EEF1AKMT4: variants seen among roughly 807,000 people sequenced by gnomAD.
EEF1AKMT4 encodes the protein eukaryotic translation elongation factor 1 alpha lysine specific methyltransferase 4.
In EEF1AKMT4, 17 loss-of-function variants were observed where a neutral mutation model predicts 23.0. The ratio of observed to expected loss-of-function variants is 0.74; its 90% CI spans 0.51 to 1.11. The LOEUF (loss-of-function observed/expected upper bound fraction) is 1.11, where lower values mean the gene tolerates loss of function less well. EEF1AKMT4 is among the 50% of genes least tolerant of loss of function. EEF1AKMT4 has a pLI of 0.00. For missense variants in EEF1AKMT4, 318 were observed against 333.4 expected, an observed-to-expected ratio of 0.95 and a Z score of 0.36; for synonymous variants, 140 against 141.4, an observed-to-expected ratio of 0.99 and a Z score of 0.07.
At chr3:184,256,272 C>CAAAAAAAA (rs59087969) in intron 1 of EEF1AKMT4, among the ~76,000 whole-genome samples, 29 of 54,192 alleles carry the variant, frequency 5.4e-4, no homozygotes, top group African/African-American at 8.6e-4. Context: ...AACTCCATCT[C>CAAAAAAAA]AAAAAAAAAA....
rs143303406 is a variant in EEF1AKMT4 at position 184,257,750 on chromosome 3, G to A, written c.474G>A (p.Leu158=). ...SEGVHTVDQV[L]SEVSRVLVPG... is the part of the protein sequence containing the mutation. ...GTGTCCACACTGTGGACCAGGTGTT[G>A]AGTGAGGTGAGGGAGCAACAAGAGA... The change falls in exon 2 of 3, where the codon TTG becomes TTA. Residue 158 remains leucine (L), a synonymous_variant. Transcript: ENST00000324557. 3.5e-4 allele frequency: 557 copies of A among 1,610,518 alleles called. 1 individual carries two copies. Among genetic ancestry groups the A allele is most frequent in the Non-Finnish European group, 4.5e-4 (530 of 1,177,722 alleles).
Position 184,249,869 on chromosome 3 carries a change from G to T in EEF1AKMT4, c.175G>T (p.Glu59Ter). The change falls in exon 1 of 3, where the codon GAG (glutamate) becomes TAG (stop). Residue 59 changes from glutamate to a stop codon, truncating the protein, a stop_gained. Transcript: ENST00000324557. LOFTEE classifies it high-confidence loss of function. ...CCTCCTAGAGCCGGAGCTGCGGCCC[G>T]AGGACCGTATCCTTGTGCTAGGTGG... ...RALLEPELRP[E>*]DRILVLGCGN... 2 of 1,612,420 alleles carry T rather than the reference G, an allele frequency of 1.2e-6. No individual in the cohort carries two copies. The highest frequency in any genetic ancestry group is 8.5e-7 in the Non-Finnish European group (1 of 1,179,442).
At chr3:184,256,030 T>C (rs1325746400) in intron 1 of EEF1AKMT4, among the ~76,000 whole-genome samples, 1 of 152,198 alleles carries the variant, frequency 6.6e-6, no homozygotes, top group Non-Finnish European at 1.5e-5. Flanking sequence ...ATGCCTATAA[T>C]TCCAGCACTT....
rs1553831980 is a variant in EEF1AKMT4, at chr3:184,254,680, C to CCAAAA, written c.197-2793_197-2792insCAAAA. Among the ~76,000 whole-genome samples, 3 of 124,210 alleles carry CCAAAA rather than the reference C, an allele frequency of 2.4e-5. No individual in the cohort carries two copies. The East Asian group carries it at 6.9e-4, about 29-fold the overall frequency. The allele number at this position is 124,210 out of a possible 152,430, so 81.5% of individuals were successfully genotyped here. A position where few individuals can be genotyped will look rare whatever the true frequency, so the allele number is the denominator to read the frequency against. ...ATGAGCGGAGATCAAGACTCCGTCT[C>CCAAAA]AAAAAAAAAAAAACTTAATTTGGAA... On this transcript the variant is annotated intron_variant, in intron 1 of 2. Coordinates refer to ENST00000324557, the MANE Select transcript of EEF1AKMT4 (RefSeq NM_032331.4).
intron 1 of EEF1AKMT4, 59 bp from the exon 2 acceptor site, chr3:184,257,414 G>A: frequency 6.6e-7 from 1 of 1,520,502 alleles, no homozygotes; most frequent in Non-Finnish European, 8.9e-7. Flanking sequence ...GGATATTCAG[G>A]GGGAGGTGAG....
Position 184,258,598 on chromosome 3 carries a change from C to CT in EEF1AKMT4, c.*25dup, listed in dbSNP as rs752452363. 13 of 1,540,022 alleles carry CT rather than the reference C, an allele frequency of 8.4e-6. No individual in the cohort carries two copies. The Admixed American group carries it at 1.8e-4, about 21-fold the overall frequency. On this transcript the variant is annotated 3_prime_UTR_variant, in exon 3 of 3. Coordinates refer to ENST00000324557, the MANE Select transcript of EEF1AKMT4 (RefSeq NM_032331.4). Reference sequence around the variant, plus strand: ...TGAGGCCAGAGCATGGTCCTCCACCCTTCCTGCCATTCTGCCCTGGGCTCC... The same window carrying CT: ...TGAGGCCAGAGCATGGTCCTCCACCCTTTCCTGCCATTCTGCCCTGGGCTCC...
chr3:184,254,734 A>G (rs769504070), intron 1 of EEF1AKMT4, among the ~76,000 whole-genome samples: 6 of 151,998 alleles, frequency 3.9e-5, no homozygotes, highest in African/African-American at 9.7e-5. Context: ...TAGATTTCCT[A>G]TAAAGAGAAA....
rs1719886541 is a variant in EEF1AKMT4, at chr3:184,257,908, GT to G, written c.480+154del. ...TGTGGCTCTCTGAAGGGAGGGAAGGGTTAAGCGGGGTCGAGATTTATAGAGG... is the reference window on the plus strand; with the variant it reads ...TGTGGCTCTCTGAAGGGAGGGAAGGGTAAGCGGGGTCGAGATTTATAGAGG... On this transcript the variant is annotated intron_variant, in intron 2 of 2. Coordinates refer to ENST00000324557, the MANE Select transcript of EEF1AKMT4 (RefSeq NM_032331.4). The G allele has an allele frequency of 8.1e-6, 8 of 985,782 alleles. No homozygotes were observed. In the South Asian group the frequency reaches 1.4e-4, roughly 17 times the overall value. The allele number at this position is 985,782 out of a possible 1,614,324, so 61.1% of individuals were successfully genotyped here. A position where few individuals can be genotyped will look rare whatever the true frequency, so the allele number is the denominator to read the frequency against.
intron 1 of EEF1AKMT4, among the ~76,000 whole-genome samples, chr3:184,250,954 G>A (rs1170749169): frequency 1.3e-5 from 2 of 151,974 alleles, no homozygotes; most frequent in Middle Eastern, 6.8e-3. Context: ...GTGTGGTGGC[G>A]CATGCCTATA....
chr3:184,254,980 G>T (rs999934620), intron 1 of EEF1AKMT4, among the ~76,000 whole-genome samples: 8 of 152,094 alleles, frequency 5.3e-5, no homozygotes, highest in African/African-American at 1.7e-4. Context: ...TTAGTTGCTG[G>T]CCCCAAATCT....
intron 1 of EEF1AKMT4, among the ~76,000 whole-genome samples, chr3:184,253,776 T>A (rs1395057746): frequency 6.6e-6 from 1 of 151,652 alleles, no homozygotes; most frequent in Non-Finnish European, 1.5e-5. Flanking sequence ...TTCAAGCGAT[T>A]CTCCTGCCTC....
Position 184,258,601 on chromosome 3 carries a change from C to A in EEF1AKMT4, c.*26C>A. 6.5e-7 allele frequency: 1 copy of A among 1,538,650 alleles called. No homozygotes were observed. On this transcript the variant is annotated 3_prime_UTR_variant, in exon 3 of 3. Coordinates refer to ENST00000324557, the MANE Select transcript of EEF1AKMT4 (RefSeq NM_032331.4). Reference sequence around the variant, plus strand: ...GGCCAGAGCATGGTCCTCCACCCTTCCTGCCATTCTGCCCTGGGCTCCTCA... The same window carrying A: ...GGCCAGAGCATGGTCCTCCACCCTTACTGCCATTCTGCCCTGGGCTCCTCA...
intron 1 of EEF1AKMT4, among the ~76,000 whole-genome samples, chr3:184,255,396 A>G (rs1366152837): frequency 1.3e-5 from 2 of 152,228 alleles, no homozygotes; most frequent in African/African-American, 4.8e-5. Flanking sequence ...CTGGGGAGCA[A>G]GCAGCCAGCT....
In EEF1AKMT4 at chr3:184,258,739, C is replaced by G. The variant is rs1719925330; in HGVS notation, c.*164C>G. 7.4e-7 allele frequency: 1 copy of G among 1,342,466 alleles called. No individual in the cohort carries two copies. Among genetic ancestry groups the G allele is most frequent in the South Asian group, 2.1e-5 (1 of 46,642 alleles). The allele number at this position is 1,342,466 out of a possible 1,614,324, so 83.2% of individuals were successfully genotyped here. On this transcript the variant is annotated 3_prime_UTR_variant, in exon 3 of 3. Coordinates refer to ENST00000324557, the MANE Select transcript of EEF1AKMT4 (RefSeq NM_032331.4). ...GCGAACCCACATGAACCAATACAGC[C>G]CAGCTCCAACTAGATCCAGATTCCA...
In EEF1AKMT4 at chr3:184,258,753, A is replaced by G; in HGVS notation, c.*178A>G. On this transcript the variant is annotated 3_prime_UTR_variant, in exon 3 of 3. Transcript: ENST00000324557. ...ACCAATACAGCCCAGCTCCAACTAG[A>G]TCCAGATTCCAGGTTTCTTGCTTCT... 7.7e-7 allele frequency: 1 copy of G among 1,297,042 alleles called. No homozygotes were observed. Among genetic ancestry groups the G allele is most frequent in the Non-Finnish European group, 9.7e-7 (1 of 1,026,390 alleles). The allele number at this position is 1,297,042 out of a possible 1,614,324, so 80.3% of individuals were successfully genotyped here. A position where few individuals can be genotyped will look rare whatever the true frequency, so the allele number is the denominator to read the frequency against.
intron 1 of EEF1AKMT4, 65 bp from the exon 2 acceptor site, chr3:184,257,408 A>T (rs1375604633): frequency 7.3e-6 from 11 of 1,499,998 alleles, no homozygotes; most frequent in Non-Finnish European, 1.0e-5. Flanking sequence ...GTGGATGGAT[A>T]TTCAGGGGGA....
In EEF1AKMT4 at chr3:184,258,546, G is replaced by A. The variant is rs769937749; in HGVS notation, c.739G>A (p.Glu247Lys). 1.1e-5 allele frequency: 17 copies of A among 1,603,226 alleles called. No homozygotes were observed. Among genetic ancestry groups the A allele is most frequent in the African/African-American group, 1.3e-5 (1 of 74,768 alleles). Residue 247 changes from glutamate (E) to lysine (K), a missense_variant, in exon 3 of 3, where the codon GAG becomes AAG. Physicochemically the swap from Glu to Lys is moderately conservative, Grantham distance 56. Transcript: ENST00000324557. ...SPCFLQDSDH[E>K]DFLSAIQL The stretch of plus-strand genomic sequence containing the variant: ...TTGCTTCCTTCAGGACTCAGATCAT[G>A]AGGACTTCCTTAGTGCCATTCAGCT...
chr3:184,257,209 CAA>C (rs751755981), intron 1 of EEF1AKMT4, among the ~76,000 whole-genome samples: 3,762 of 69,354 alleles, frequency 0.054, 117 homozygotes, highest in African/African-American at 0.16. Flanking sequence ...GAATTCATCT[CAA>C]AAAAAAAAAA....
chr3:184,257,579 T>C lies in EEF1AKMT4; in HGVS notation c.303T>C (p.His101=). ...SVVVAAMQAR[H]AHVPQLRWET... is the part of the protein sequence containing the mutation. ...TGGTGGCTGCCATGCAGGCTCGCCA[T>C]GCCCATGTGCCGCAGCTGCGCTGGG... The change falls in exon 2 of 3, where the codon CAT becomes CAC. Residue 101 remains histidine, a synonymous_variant. Transcript: ENST00000324557. The C allele has an allele frequency of 3.1e-6, 5 of 1,614,184 alleles. No individual in the cohort carries two copies. The highest frequency in any genetic ancestry group is 4.2e-6 in the Non-Finnish European group (5 of 1,180,028).
Sources: allele counts gnomAD v4.1 joint callset (sites outside exome capture counted in the v4.1 genomes callset), GRCh38; gene constraint gnomAD v4.1.1; transcripts MANE v1.5; gene names NCBI Gene and HGNC (gene_info 2026-07-23, HGNC 2026-07-21).